Variants in SYT16 observed in about 807,000 individuals in gnomAD.
The protein encoded by SYT16 is synaptotagmin-16.
A neutral mutation model predicts 61.4 loss-of-function variants in SYT16; 42 were observed. The ratio of observed to expected loss-of-function variants is 0.68; its 90% CI spans 0.53 to 0.89. SYT16 has a LOEUF of 0.89. Among genes scored for constraint, SYT16 ranks in the 40% least tolerant of loss-of-function variants. The probability of loss-of-function intolerance (pLI) is 0.00; values close to 1 mark genes in which losing one functional copy is unlikely to be tolerated. For synonymous variants in SYT16, 314 were observed against 302.3 expected (o/e 1.04, Z -0.40); for missense variants, 804 against 807.3 (o/e 1.00, Z 0.05).
At chr14:61,940,076 T>C (rs958256971) in intron 1 of SYT16, among the ~76,000 whole-genome samples, 37 of 152,226 alleles carry the variant, frequency 2.4e-4, no homozygotes, top group African/African-American at 8.0e-4. Flanking sequence ...CATGATAATT[T>C]TTATAATGAT....
chr14:61,855,693 T>A (rs1251399608), intron 1 of SYT16, among the ~76,000 whole-genome samples: 1 of 152,230 alleles, frequency 6.6e-6, no homozygotes, highest in African/African-American at 2.4e-5. Flanking sequence ...TTTAATAGGA[T>A]GACTATTAAA....
At chr14:61,921,070 G>A (rs1488095250) in intron 1 of SYT16, among the ~76,000 whole-genome samples, 2 of 152,188 alleles carry the variant, frequency 1.3e-5, no homozygotes, top group African/African-American at 4.8e-5. Flanking sequence ...CAGCTTGGTA[G>A]TTTACATGTA....
chr14:61,879,095 G>GT (rs138830822), intron 1 of SYT16, among the ~76,000 whole-genome samples: 8,244 of 150,844 alleles, frequency 0.055, 389 homozygotes, highest in African/African-American at 0.13. Context: ...ATTAATTTGT[G>GT]TTTTTTTTTA....
intron 3 of SYT16, among the ~76,000 whole-genome samples, chr14:62,056,971 G>A (rs1340400859): frequency 2.0e-5 from 3 of 152,170 alleles, no homozygotes; most frequent in Admixed American, 6.5e-5. Flanking sequence ...AAAGTCAGAC[G>A]TGTTCCGAAA....
intron 1 of SYT16, among the ~76,000 whole-genome samples, chr14:61,895,989 C>T (rs897642307): frequency 9.2e-5 from 14 of 152,048 alleles, no homozygotes; most frequent in East Asian, 1.9e-4. Context: ...CCTCTGTTTG[C>T]GCTGGGCTAC....
chr14:62,083,438 C>T (rs973652971), intron 6 of SYT16, among the ~76,000 whole-genome samples: 7 of 152,110 alleles, frequency 4.6e-5, no homozygotes, highest in African/African-American at 1.2e-4. Context: ...GTTTTGTGCT[C>T]CTCCTCCCGA....
chr14:61,940,417 A>C (rs971009859), intron 1 of SYT16, among the ~76,000 whole-genome samples: 18 of 152,150 alleles, frequency 1.2e-4, no homozygotes, highest in African/African-American at 3.9e-4. Context: ...ACAACAACAA[A>C]AAAATCCCCT....
chr14:61,821,202 C>G (rs189800325), intron 1 of SYT16, among the ~76,000 whole-genome samples: 3 of 152,198 alleles, frequency 2.0e-5, no homozygotes. Flanking sequence ...CCCTTAACCC[C>G]TATCATCCTA....
At chr14:61,864,734 C>T in intron 1 of SYT16, 1 of 989,266 alleles carries the variant, frequency 1.0e-6, no homozygotes, top group Non-Finnish European at 1.5e-6. Context: ...GACAACGTGT[C>T]CACTCGCTAC....
intron 3 of SYT16, among the ~76,000 whole-genome samples, chr14:62,011,874 TACACACACACACAC>T (rs576570781): frequency 7.3e-6 from 1 of 136,418 alleles, no homozygotes; most frequent in East Asian, 2.1e-4. Context: ...ACACTATATA[TACACACACACACAC>T]ACACACACAC....
At chr14:61,959,295 GTTAA>G (rs1298696972) in intron 1 of SYT16, among the ~76,000 whole-genome samples, 1 of 151,992 alleles carries the variant, frequency 6.6e-6, no homozygotes, top group Non-Finnish European at 1.5e-5. Flanking sequence ...TTGCCATATT[GTTAA>G]TTGTTTTCTG....
At chr14:62,035,622 T>C (rs74358171) in intron 3 of SYT16, among the ~76,000 whole-genome samples, 2,108 of 152,308 alleles carry the variant, frequency 0.014, 33 homozygotes, top group African/African-American at 0.034. Context: ...TGCTTACCAA[T>C]GGGTGTTGTT....
At chr14:61,886,663 A>G (rs959398589) in intron 1 of SYT16, among the ~76,000 whole-genome samples, 5 of 152,174 alleles carry the variant, frequency 3.3e-5, no homozygotes, top group African/African-American at 7.2e-5. Flanking sequence ...CTGCAGTTAC[A>G]TCCCTACTGA....
intron 1 of SYT16, among the ~76,000 whole-genome samples, chr14:61,887,390 G>T (rs1341625646): frequency 1.3e-5 from 2 of 152,200 alleles, no homozygotes; most frequent in Non-Finnish European, 2.9e-5. Context: ...AGTGAGCACT[G>T]GCTTCAATTT....
At chr14:61,857,468 G>A (rs1346633762) in intron 1 of SYT16, among the ~76,000 whole-genome samples, 12 of 152,236 alleles carry the variant, frequency 7.9e-5, no homozygotes, top group Admixed American at 7.8e-4. Flanking sequence ...AAGATTGACA[G>A]TTGACTGCCA....
intron 1 of SYT16, among the ~76,000 whole-genome samples, chr14:61,820,910 C>T (rs1196301234): frequency 1.3e-5 from 2 of 152,174 alleles, no homozygotes; most frequent in African/African-American, 4.8e-5. Flanking sequence ...CTTAGCCATC[C>T]AGCCCTTCCT....
intron 1 of SYT16, among the ~76,000 whole-genome samples, chr14:61,865,694 TA>T (rs1489864326): frequency 6.6e-6 from 1 of 152,252 alleles, no homozygotes; most frequent in Non-Finnish European, 1.5e-5. Context: ...TAAAGAGTTT[TA>T]AAAATTGTTA....
rs1156637837 is a variant in SYT16 at position 61,855,803 on chromosome 14, A to C, written c.-325+42993A>C. Among the ~76,000 whole-genome samples the C allele has an allele frequency of 1.3e-5, 2 of 152,248 alleles. 1 individual carries two copies. Among genetic ancestry groups the C allele is most frequent in the South Asian group, 4.1e-4 (2 of 4,834 alleles). On this transcript the variant is annotated intron_variant, in intron 1 of 7. Coordinates refer to ENST00000683842, the MANE Select transcript of SYT16 (RefSeq NM_001367656.1). ...TATAATGCCTAGGCAAAGTTTTTCT[A>C]CTTCTTCATGATTAGGGAGCAGAAT...
intron 2 of SYT16, among the ~76,000 whole-genome samples, chr14:61,980,850 C>G (rs1405276610): frequency 1.3e-5 from 2 of 152,192 alleles, no homozygotes. Flanking sequence ...CTGAGACCAT[C>G]TTGCTCATTG....
Sources: allele counts gnomAD v4.1 joint callset (sites outside exome capture counted in the v4.1 genomes callset), GRCh38; gene constraint gnomAD v4.1.1; transcripts MANE v1.5; gene names NCBI Gene and HGNC (gene_info 2026-07-23, HGNC 2026-07-21).